Variants in OPCML observed in about 807,000 individuals in gnomAD.
OPCML encodes opioid binding protein/cell adhesion molecule like.
In OPCML, 13 loss-of-function variants were observed where a neutral mutation model predicts 37.8. The observed-to-expected ratio is 0.34, with a 90% confidence interval of 0.22 to 0.55. OPCML has a LOEUF of 0.55. OPCML is among the 20% of genes least tolerant of loss of function. The pLI, the probability that OPCML is intolerant of heterozygous loss-of-function variation, is 0.91. For missense variants in OPCML, 341 were observed against 435.6 expected (o/e 0.78, Z 1.93); for synonymous variants, 176 against 168.8 (o/e 1.04, Z -0.33).
At chr11:132,490,699 G>C (rs1279463862) in intron 4 of OPCML, among the ~76,000 whole-genome samples, 1 of 151,728 alleles carries the variant, frequency 6.6e-6, no homozygotes, top group African/African-American at 2.4e-5. Context: ...GGCGCCTGTG[G>C]TCCCGGCTAC....
chr11:132,827,823 T>G (rs1009418126), intron 2 of OPCML, among the ~76,000 whole-genome samples: 4 of 150,422 alleles, frequency 2.7e-5, no homozygotes, highest in African/African-American at 7.4e-5. Flanking sequence ...TTTTTGTATT[T>G]TTAGTAGAGA....
At chr11:133,297,515 G>A (rs961864444) in intron 1 of OPCML, 1 of 152,134 alleles carries the variant, frequency 6.6e-6, no homozygotes, top group African/African-American at 2.4e-5. Flanking sequence ...GCCAAGGAAA[G>A]GAGAAAAAAT....
At chr11:132,934,520 A>G (rs954069753) in intron 2 of OPCML, among the ~76,000 whole-genome samples, 7 of 152,114 alleles carry the variant, frequency 4.6e-5, no homozygotes, top group African/African-American at 1.7e-4. Flanking sequence ...AGGCTCTCAA[A>G]TCCCAGAAAC....
intron 2 of OPCML, among the ~76,000 whole-genome samples, chr11:132,799,829 C>A (rs1938541672): frequency 6.6e-6 from 1 of 152,160 alleles, no homozygotes; most frequent in Admixed American, 6.5e-5. Flanking sequence ...TTCACTACTA[C>A]AATATTGCAT....
At position 133,393,212 on chromosome 11, in the gene OPCML, G is replaced by A. The variant is rs746241628; in HGVS notation, c.61+139052C>T. Among the ~76,000 whole-genome samples the A allele has an allele frequency of 3.9e-5, 6 of 152,150 alleles. No individual in the cohort carries two copies. In the East Asian group the frequency reaches 5.8e-4, roughly 15 times the overall value. On this transcript the variant is annotated intron_variant, in intron 1 of 7. Coordinates refer to ENST00000524381, the MANE Select transcript of OPCML (RefSeq NM_001012393.5). Reference sequence around the variant, plus strand: ...CAGGCACAAGTTACAGTGCCACTGCGTGTGAGTTCAATTTAATCAATCAAC... The same window carrying A: ...CAGGCACAAGTTACAGTGCCACTGCATGTGAGTTCAATTTAATCAATCAAC...
intron 1 of OPCML, among the ~76,000 whole-genome samples, chr11:133,468,677 A>G (rs1253030839): frequency 6.6e-6 from 1 of 152,226 alleles, no homozygotes; most frequent in African/African-American, 2.4e-5. Context: ...CCCAAGGGAC[A>G]ATAGGTTGCT....
chr11:133,515,759 A>G (rs6590717), intron 1 of OPCML, among the ~76,000 whole-genome samples: 65,494 of 151,564 alleles, frequency 0.43, 18,501 homozygotes, highest in African/African-American at 0.8. Context: ...AAATTTGGGG[A>G]AACATGTCAA....
At chr11:132,832,132 G>A (rs1940724801) in intron 2 of OPCML, among the ~76,000 whole-genome samples, 3 of 151,802 alleles carry the variant, frequency 2.0e-5, no homozygotes, top group Admixed American at 2.0e-4. Context: ...CAGTAGTAAA[G>A]GAATCCCTAG....
At chr11:132,969,915 C>T (rs1055520400) in intron 1 of OPCML, among the ~76,000 whole-genome samples, 5 of 152,104 alleles carry the variant, frequency 3.3e-5, no homozygotes, top group African/African-American at 1.2e-4. Context: ...ACATCTGTGG[C>T]CTCTCACAGG....
chr11:132,853,230 T>C (rs1212000712), intron 2 of OPCML, among the ~76,000 whole-genome samples: 2 of 152,236 alleles, frequency 1.3e-5, no homozygotes. Context: ...TTTGGAAAAC[T>C]TGAATTCATC....
At chr11:133,153,205 C>A (rs974963673) in intron 1 of OPCML, among the ~76,000 whole-genome samples, 2 of 152,102 alleles carry the variant, frequency 1.3e-5, no homozygotes, top group Non-Finnish European at 2.9e-5. Flanking sequence ...GAGCCTGCCC[C>A]GCAGCCAGAT....
intron 1 of OPCML, among the ~76,000 whole-genome samples, chr11:133,400,108 C>T (rs1216249832): frequency 6.6e-6 from 1 of 152,158 alleles, no homozygotes; most frequent in East Asian, 1.9e-4. Context: ...GCTTGGGCTC[C>T]TGCCCATTAC....
At chr11:132,590,267 T>C (rs1413619030) in intron 3 of OPCML, among the ~76,000 whole-genome samples, 1 of 152,206 alleles carries the variant, frequency 6.6e-6, no homozygotes, top group Non-Finnish European at 1.5e-5. Flanking sequence ...TGTAACCTAC[T>C]TCAAATATTT....
chr11:132,616,638 C>T (rs2575894), intron 3 of OPCML, among the ~76,000 whole-genome samples: 107,196 of 152,046 alleles, frequency 0.71, 38,099 homozygotes, highest in East Asian at 0.87. Flanking sequence ...TTTTCACAGA[C>T]GGTTTTATAT....
At chr11:132,517,131 T>C (rs1176402697) in intron 4 of OPCML, among the ~76,000 whole-genome samples, 1 of 152,210 alleles carries the variant, frequency 6.6e-6, no homozygotes, top group Non-Finnish European at 1.5e-5. Flanking sequence ...GGGATTATGT[T>C]CTACTTGGCT....
chr11:133,175,913 G>A (rs1197850949), intron 1 of OPCML, among the ~76,000 whole-genome samples: 1 of 152,124 alleles, frequency 6.6e-6, no homozygotes, highest in Non-Finnish European at 1.5e-5. Flanking sequence ...ATGAAAAAAT[G>A]TTCAACTAAC....
chr11:132,761,452 G>T (rs1456980094), intron 2 of OPCML, among the ~76,000 whole-genome samples: 1 of 152,008 alleles, frequency 6.6e-6, no homozygotes, highest in Admixed American at 6.6e-5. Context: ...CCTATCAAAC[G>T]TAGGTTTACT....
At chr11:132,764,606 C>G (rs1052719594) in intron 2 of OPCML, among the ~76,000 whole-genome samples, 11 of 152,192 alleles carry the variant, frequency 7.2e-5, no homozygotes, top group African/African-American at 1.9e-4. Context: ...AATCCCTCAT[C>G]ATAAAACCCA....
intron 4 of OPCML, among the ~76,000 whole-genome samples, chr11:132,505,177 AG>A (rs2096253886): frequency 6.6e-6 from 1 of 152,238 alleles, no homozygotes; most frequent in Middle Eastern, 3.2e-3. Context: ...GGCAGAGAAT[AG>A]GGGCAAGGCA....
Sources: gnomAD v4.1 joint callset for allele counts (sites outside exome capture counted in the v4.1 genomes callset) on GRCh38, gnomAD v4.1.1 for gene constraint, MANE v1.5 for transcripts, NCBI Gene and HGNC (gene_info 2026-07-23, HGNC 2026-07-21) for gene names.